PDE2A: variants seen among roughly 807,000 people sequenced by gnomAD.
The protein encoded by PDE2A is cGMP-dependent 3',5'-cyclic phosphodiesterase.
In PDE2A, 53 loss-of-function variants were observed where a neutral mutation model predicts 133.6. The ratio of observed to expected loss-of-function variants is 0.40; its 90% CI spans 0.32 to 0.50. The LOEUF (loss-of-function observed/expected upper bound fraction) is 0.50, where lower values mean the gene tolerates loss of function less well. Ranked by LOEUF, PDE2A falls within the 20% of genes least tolerant of loss-of-function variation. The pLI, the probability that PDE2A is intolerant of heterozygous loss-of-function variation, is 0.73. For synonymous variants in PDE2A, 491 were observed against 490.2 expected, an observed-to-expected ratio of 1.00 and a Z score of -0.02; for missense variants, 796 against 1,232.4, an observed-to-expected ratio of 0.65 and a Z score of 5.30.
At chr11:72,606,063 G>A (rs1856956594) in intron 3 of PDE2A, among the ~76,000 whole-genome samples, 1 of 152,006 alleles carries the variant, frequency 6.6e-6, no homozygotes, top group Non-Finnish European at 1.5e-5. Flanking sequence ...GGAGATCAAA[G>A]CTCTTGCTCT....
chr11:72,610,922 T>G (rs1466143728), intron 2 of PDE2A, among the ~76,000 whole-genome samples: 2 of 152,220 alleles, frequency 1.3e-5, no homozygotes, highest in Non-Finnish European at 2.9e-5. Flanking sequence ...CAGGCTATTA[T>G]GGCCTTCCAA....
chr11:72,590,194 A>T lies in PDE2A; in HGVS notation c.754T>A (p.Tyr252Asn). 1.3e-6 allele frequency: 2 copies of T among 1,550,824 alleles called. No individual in the cohort carries two copies. Among genetic ancestry groups the T allele is most frequent in the Non-Finnish European group, 1.7e-6 (2 of 1,146,274 alleles). Residue 252 changes from tyrosine to asparagine, a missense_variant and splice_region_variant, in exon 9 of 31, where the codon TAC (tyrosine) becomes AAC (asparagine). By Grantham distance (143) the Tyr-to-Asn change is moderately radical. Coordinates refer to ENST00000334456, the MANE Select transcript of PDE2A (RefSeq NM_002599.5). This position sits in a 1 kb window ranked among gnomAD's most constrained non-coding sequence, Gnocchi z 4.8. ...ASSLQLKVLQYLQQETRASRC... is the reference protein window; with the variant it reads ...ASSLQLKVLQNLQQETRASRC... ...CCGGCAGGGGCGCAGGGACTCACGT[A>T]TTGGAGCACTTTGAGCTGCAGGGAA...
intron 2 of PDE2A, among the ~76,000 whole-genome samples, chr11:72,609,710 A>G (rs1160320694): frequency 2.0e-5 from 3 of 152,144 alleles, no homozygotes; most frequent in African/African-American, 7.2e-5. Flanking sequence ...ACCAGCCACC[A>G]GCCATGCCCT....
intron 2 of PDE2A, among the ~76,000 whole-genome samples, chr11:72,626,112 C>T (rs553234241): frequency 4.6e-5 from 7 of 152,372 alleles, no homozygotes; most frequent in Admixed American, 3.3e-4. Flanking sequence ...AGGCCTTGCC[C>T]GCGAGCCTGG....
intron 13 of PDE2A, among the ~76,000 whole-genome samples, chr11:72,586,431 C>T (rs1181239303): frequency 6.6e-6 from 1 of 152,212 alleles, no homozygotes; most frequent in Admixed American, 6.5e-5. Context: ...TTGGGATTTA[C>T]CCAGCCCAAA....
intron 2 of PDE2A, among the ~76,000 whole-genome samples, chr11:72,617,909 G>A (rs1857555054): frequency 6.6e-6 from 1 of 152,174 alleles, no homozygotes; most frequent in Admixed American, 6.5e-5. Flanking sequence ...TTCTCTTTGG[G>A]GGGTTGGGAT....
intron 6 of PDE2A, among the ~76,000 whole-genome samples, chr11:72,595,562 C>A (rs1430674749): frequency 6.6e-6 from 1 of 151,946 alleles, no homozygotes; most frequent in Non-Finnish European, 1.5e-5. Context: ...ACTCCCACTG[C>A]CCTCTCCTGC....
At chr11:72,637,086 C>A (rs1440056416) in intron 2 of PDE2A, among the ~76,000 whole-genome samples, 1 of 138,358 alleles carries the variant, frequency 7.2e-6, no homozygotes, top group African/African-American at 3.5e-5. Context: ...ACCATTCTCT[C>A]CCCTCTGTCC....
At chr11:72,645,017 A>C (rs759404369) in intron 1 of PDE2A, among the ~76,000 whole-genome samples, 3 of 152,220 alleles carry the variant, frequency 2.0e-5, no homozygotes, top group African/African-American at 4.8e-5. Flanking sequence ...AGCCTCCCAA[A>C]GTGTTGGGAT....
intron 2 of PDE2A, among the ~76,000 whole-genome samples, chr11:72,625,520 G>A (rs366068): frequency 0.66 from 100,025 of 152,050 alleles, 33,252 homozygotes; most frequent in Middle Eastern, 0.78. Flanking sequence ...TTCCCAGATG[G>A]AGCGGCTAAG....
At chr11:72,637,062 G>C (rs4944608) in intron 2 of PDE2A, among the ~76,000 whole-genome samples, 2 of 139,386 alleles carry the variant, frequency 1.4e-5, no homozygotes, top group Non-Finnish European at 2.9e-5. Context: ...TGCCACCAGC[G>C]AACCTTCACA....
At chr11:72,582,033 A>C in intron 21 of PDE2A, 86 bp from the exon 22 acceptor site, 2 of 1,081,844 alleles carry the variant, frequency 1.8e-6, no homozygotes, top group South Asian at 1.3e-5. Flanking sequence ...CTCCACACTC[A>C]AAATCTGGAG....
chr11:72,656,162 G>C (rs755705727), intron 1 of PDE2A, among the ~76,000 whole-genome samples: 1 of 152,208 alleles, frequency 6.6e-6, no homozygotes, highest in Non-Finnish European at 1.5e-5. Flanking sequence ...AGAGCCACGA[G>C]GGGGGCCATG....
intron 2 of PDE2A, among the ~76,000 whole-genome samples, chr11:72,629,181 G>A (rs1233865855): frequency 6.6e-6 from 1 of 152,250 alleles, no homozygotes; most frequent in African/African-American, 2.4e-5. Flanking sequence ...AGGAGCAGGT[G>A]GGGCCGACCC....
At chr11:72,627,640 C>A (rs1287428424) in intron 2 of PDE2A, among the ~76,000 whole-genome samples, 2 of 152,192 alleles carry the variant, frequency 1.3e-5, no homozygotes, top group Non-Finnish European at 2.9e-5. Context: ...GCCAGCAATG[C>A]CCTGCCAAGG....
chr11:72,640,964 G>A (rs1465763068), intron 2 of PDE2A, among the ~76,000 whole-genome samples: 1 of 151,928 alleles, frequency 6.6e-6, no homozygotes. Context: ...TCCCACTCTC[G>A]ATGACACATT....
chr11:72,596,457 ATCTCTCTCTCTCTC>A (rs113104892), intron 6 of PDE2A, 122 bp downstream of exon 6: 21,402 of 162,946 alleles, frequency 0.13, 612 homozygotes, highest in Non-Finnish European at 0.15. Flanking sequence ...TATGGCTCCC[ATCTCTCTCTCTCTC>A]TCTCTCTCTC....
rs753772255 is a variant in PDE2A at position 72,581,488 on chromosome 11, G to A, written c.1923-9C>T. On this transcript the variant is annotated splice_polypyrimidine_tract_variant and intron_variant, in intron 22 of 30. Transcript: ENST00000334456. ...TCACCATCAAACAGAACCTGGGGGA[G>A]GGAAGAGGGCAGAAGAGGGGCCTCA... is the stretch of plus-strand genomic sequence containing the variant. The A allele has an allele frequency of 6.3e-7, 1 of 1,587,152 alleles. No homozygotes were observed. The highest frequency in any genetic ancestry group is 1.2e-5 in the South Asian group (1 of 86,852).
intron 16 of PDE2A, chr11:72,585,164 G>C: frequency 4.7e-6 from 3 of 642,994 alleles, no homozygotes; most frequent in Non-Finnish European, 8.2e-6. Context: ...ACTGTGATAG[G>C]AGCTGAGGAT....
Sources: allele counts gnomAD v4.1 joint callset (sites outside exome capture counted in the v4.1 genomes callset), GRCh38; gene constraint gnomAD v4.1.1; non-coding constraint Gnocchi (gnomAD v3.1); transcripts MANE v1.5; gene names NCBI Gene and HGNC (gene_info 2026-07-23, HGNC 2026-07-21).